ECM1: variants seen among roughly 807,000 people sequenced by gnomAD.
The protein encoded by ECM1 is secretory component p85.
A neutral mutation model predicts 57.9 loss-of-function variants in ECM1; 54 were observed. The observed-to-expected ratio is 0.93, with a 90% CI of 0.75 to 1.17. ECM1 has a LOEUF of 1.17. Among genes scored for constraint, ECM1 ranks in the 50% most tolerant of loss-of-function variants. The pLI is 0.00. For synonymous variants in ECM1, 237 were observed against 259.1 expected (o/e 0.91, Z 0.82); for missense variants, 649 against 688.1 (o/e 0.94, Z 0.64).
chr1:150,510,153 C>G lies in ECM1; in HGVS notation c.356C>G (p.Ser119Cys). ...EAVPLQKELP[S>C]LQHPNEQKEG... Reference sequence around the variant, plus strand: ...GTCCCCCTCCAAAAAGAGCTGCCCTCTCTCCAGCACCCCAATGAACAGAAG... The same window carrying G: ...GTCCCCCTCCAAAAAGAGCTGCCCTGTCTCCAGCACCCCAATGAACAGAAG... Residue 119 changes from serine to cysteine, a missense_variant, in exon 5 of 10, where the codon TCT (serine) becomes TGT (cysteine). Transcript: ENST00000369047. The G allele has an allele frequency of 6.2e-7, 1 of 1,614,114 alleles. No homozygotes were observed. The highest frequency in any genetic ancestry group is 8.5e-7 in the Non-Finnish European group (1 of 1,179,978).
At position 150,513,385 on chromosome 1, in the gene ECM1, C is replaced by A; in HGVS notation, c.1541C>A (p.Thr514Asn). ...LRNVALVSGD[T>N]ENAKGQGEQG... ...AACGTGGCTCTAGTGTCTGGAGACA[C>A]TGAGAACGCCAAGGGCCAGGGGGAG... The change falls in exon 10 of 10, where the codon ACT becomes AAT. Residue 514 changes from threonine to asparagine, a missense_variant. Thr to Asn is a moderately conservative substitution (Grantham distance 65). Coordinates refer to ENST00000369047, the MANE Select transcript of ECM1 (RefSeq NM_004425.4). The A allele has an allele frequency of 6.2e-7, 1 of 1,614,250 alleles. No homozygotes were observed. The highest frequency in any genetic ancestry group is 8.5e-7 in the Non-Finnish European group (1 of 1,180,040).
At chr1:150,510,679 C>G in intron 5 of ECM1, 197 bp from the exon 6 acceptor site, 1 of 669,616 alleles carries the variant, frequency 1.5e-6, no homozygotes, top group Non-Finnish European at 2.6e-6. Flanking sequence ...AGGCTGTGAG[C>G]TGACACCTTT....
chr1:150,509,212 G>T (rs1670363063), intron 1 of ECM1: 1 of 464,018 alleles, frequency 2.2e-6, no homozygotes, highest in Middle Eastern at 6.5e-4. Context: ...ACAACCCACA[G>T]CCCTGAGGGA....
chr1:150,511,024 C>T lies in ECM1; in HGVS notation c.534C>T (p.Asn178=). The T allele has an allele frequency of 6.2e-7, 1 of 1,614,188 alleles. No individual in the cohort carries two copies. Among genetic ancestry groups the T allele is most frequent in the South Asian group, 1.1e-5 (1 of 91,084 alleles). Residue 178 remains asparagine, a synonymous_variant, in exon 6 of 10, where the codon AAC becomes AAT. Coordinates refer to ENST00000369047, the MANE Select transcript of ECM1 (RefSeq NM_004425.4). Reference sequence around the variant, plus strand: ...GGCGGCCTTCTCCAGACAATCTGAACCAAATCTGCCTTCCTAACCGTCAGC... The same window carrying T: ...GGCGGCCTTCTCCAGACAATCTGAATCAAATCTGCCTTCCTAACCGTCAGC... The part of the protein sequence containing the change: ...PPGRPSPDNL[N]QICLPNRQHV...
In ECM1 at chr1:150,513,513, GC is replaced by G; in HGVS notation, c.*50del. On this transcript the variant is annotated 3_prime_UTR_variant, in exon 10 of 10. Coordinates refer to ENST00000369047, the MANE Select transcript of ECM1 (RefSeq NM_004425.4). ...GGTCAGATGGGGGGAACCCCACCCTGCCCCACCCATCTGAACACTCATTACA... is the reference window on the plus strand; with the variant it reads ...GGTCAGATGGGGGGAACCCCACCCTGCCCACCCATCTGAACACTCATTACA... 6.6e-7 allele frequency: 1 copy of G among 1,513,170 alleles called. No individual in the cohort carries two copies. 93.7% of individuals were successfully genotyped at this position (1,513,170 alleles called of 1,614,324 possible). A position where few individuals can be genotyped will look rare whatever the true frequency, so the allele number is the denominator to read the frequency against.
intron 1 of ECM1, 46 bp downstream of exon 1, chr1:150,508,325 G>A: frequency 6.4e-7 from 1 of 1,568,104 alleles, no homozygotes. Context: ...GGCTTGCATG[G>A]CAGGGGTCTG....
In ECM1 at chr1:150,512,383, G is replaced by A. The variant is rs201366320; in HGVS notation, c.1115G>A (p.Arg372Gln). ...WEDTLDKYCD[R>Q]EYAVKTHHHL... ...GATACCCTTGACAAATACTGTGACCGGGAGTATGCTGTGAAGACCCACCAC... is the reference window on the plus strand; with the variant it reads ...GATACCCTTGACAAATACTGTGACCAGGAGTATGCTGTGAAGACCCACCAC... The change falls in exon 8 of 10, where the codon CGG becomes CAG. Residue 372 changes from arginine (R) to glutamine (Q), a missense_variant. Physicochemically the swap from Arg to Gln is conservative, Grantham distance 43. Coordinates refer to ENST00000369047, the MANE Select transcript of ECM1 (RefSeq NM_004425.4). 6.8e-6 allele frequency: 11 copies of A among 1,613,034 alleles called. No individual in the cohort carries two copies. The highest frequency in any genetic ancestry group is 3.3e-5 in the Admixed American group (2 of 59,820).
At chr1:150,510,258 A>T in intron 5 of ECM1, 76 bp downstream of exon 5, 1 of 1,388,782 alleles carries the variant, frequency 7.2e-7, no homozygotes, top group South Asian at 1.2e-5. Flanking sequence ...GGGGCAGACA[A>T]GACGGTGGGC....
intron 6 of ECM1, 114 bp downstream of exon 6, chr1:150,511,312 GC>G: frequency 6.3e-7 from 1 of 1,588,160 alleles, no homozygotes. Context: ...CCGTTCACTG[GC>G]CCTACCCTGG....
At chr1:150,510,658 G>T in intron 5 of ECM1, 1 of 626,808 alleles carries the variant, frequency 1.6e-6, no homozygotes, top group Non-Finnish European at 2.8e-6. Flanking sequence ...GAAGCAGGAG[G>T]AGGTGGGGGC....
At position 150,509,517 on chromosome 1, in the gene ECM1, C is replaced by T. The variant is rs972596119; in HGVS notation, c.71-14C>T. The T allele has an allele frequency of 6.2e-6, 10 of 1,614,044 alleles. No individual in the cohort carries two copies. The highest frequency in any genetic ancestry group is 3.3e-4 in the Middle Eastern group (2 of 6,082). On this transcript the variant is annotated splice_polypyrimidine_tract_variant and intron_variant, in intron 1 of 9. Transcript: ENST00000369047. Reference sequence around the variant, plus strand: ...CCCTCCCAGTGGCCCCTGACTTGCCCTTCTTCCCTCCAGGCTTCACGGCTA... The same window carrying T: ...CCCTCCCAGTGGCCCCTGACTTGCCTTTCTTCCCTCCAGGCTTCACGGCTA...
At chr1:150,509,482 C>T (rs1570882127) in intron 1 of ECM1, 49 bp from the exon 2 acceptor site, 2 of 1,608,518 alleles carry the variant, frequency 1.2e-6, no homozygotes, top group Non-Finnish European at 1.7e-6. Context: ...TTGCTGAAGT[C>T]CAGGGAAGGC....
intron 5 of ECM1, 192 bp downstream of exon 5, chr1:150,510,374 G>A (rs1433649013): frequency 4.8e-6 from 3 of 628,872 alleles, no homozygotes; most frequent in Non-Finnish European, 8.5e-6. Flanking sequence ...AAAGTTATGT[G>A]ATTAGATGTG....
Position 150,511,195 on chromosome 1 carries a change from T to C in ECM1, c.705T>C (p.Leu235=). 2 of 1,613,984 alleles carry C rather than the reference T, an allele frequency of 1.2e-6. No homozygotes were observed. Among genetic ancestry groups the C allele is most frequent in the Non-Finnish European group, 1.7e-6 (2 of 1,180,006 alleles). The part of the protein sequence containing the change: ...SHTNRLECAK[L]VWEEAMSRFC... ...CAAACCGCCTAGAGTGTGCCAAACT[T>C]GTGGTAAGGTTGGGTTCTTGATGCC... Residue 235 remains leucine, a synonymous_variant, in exon 6 of 10, where the codon CTT becomes CTC. Coordinates refer to ENST00000369047, the MANE Select transcript of ECM1 (RefSeq NM_004425.4).
chr1:150,511,963 C>A, intron 7 of ECM1, 132 bp downstream of exon 7: 1 of 1,257,248 alleles, frequency 8.0e-7, no homozygotes, highest in Non-Finnish European at 1.1e-6. Flanking sequence ...CTGCTTGTGG[C>A]TGTCCGTCCA....
chr1:150,508,118 A>T lies in ECM1; in HGVS notation c.-92A>T. ...TGGTCCTGAAGCTCACAACCGTAAC[A>T]GCCACCAGACAAGCTTCAGTGGCCG... On this transcript the variant is annotated 5_prime_UTR_variant, in exon 1 of 10. Transcript: ENST00000369047. The T allele has an allele frequency of 8.4e-7, 1 of 1,192,238 alleles. No individual in the cohort carries two copies. Among genetic ancestry groups the T allele is most frequent in the Non-Finnish European group, 1.3e-6 (1 of 798,512 alleles). 73.9% of individuals were successfully genotyped at this position (1,192,238 alleles called of 1,614,324 possible). A position where few individuals can be genotyped will look rare whatever the true frequency, so the allele number is the denominator to read the frequency against.
In ECM1 at chr1:150,513,725, C is replaced by T; in HGVS notation, c.*258C>T. On this transcript the variant is annotated 3_prime_UTR_variant, in exon 10 of 10. Transcript: ENST00000369047. ...CTGGCCCCTGAGGCCCACGGCCCTG[C>T]CCCCTTCACTGAGCAGATGTTCACA... 1 of 443,634 alleles carries T rather than the reference C, an allele frequency of 2.3e-6. No homozygotes were observed. The highest frequency in any genetic ancestry group is 4.1e-6 in the Non-Finnish European group (1 of 240,990). 27.5% of individuals were successfully genotyped at this position (443,634 alleles called of 1,614,324 possible).
intron 5 of ECM1, 200 bp downstream of exon 5, chr1:150,510,382 G>T (rs373422489): frequency 1.6e-6 from 1 of 621,824 alleles, no homozygotes; most frequent in Non-Finnish European, 2.9e-6. Flanking sequence ...GTGATTAGAT[G>T]TGCAAAAATA....
intron 7 of ECM1, 67 bp from the exon 8 acceptor site, chr1:150,512,285 G>A (rs1047488542): frequency 8.3e-6 from 13 of 1,557,500 alleles, no homozygotes; most frequent in Middle Eastern, 1.7e-4. Context: ...GACGATAAGG[G>A]AAGTCGATGG....
Sources: gnomAD v4.1 joint callset for allele counts on GRCh38, gnomAD v4.1.1 for gene constraint, MANE v1.5 for transcripts, NCBI Gene and HGNC (gene_info 2026-07-23, HGNC 2026-07-21) for gene names.